Variants in GRM5 observed in about 807,000 individuals in gnomAD.
GRM5 encodes metabotropic glutamate receptor 5.
A neutral mutation model predicts 83.1 loss-of-function variants in GRM5; 19 were observed. That is an observed-to-expected ratio of 0.23 (90% confidence interval 0.16 to 0.34). GRM5 has a LOEUF of 0.34. GRM5 is among the 10% of genes least tolerant of loss of function. The pLI, the probability that GRM5 is intolerant of heterozygous loss-of-function variation, is 1.00. For synonymous variants in GRM5, 675 were observed against 633.6 expected (o/e 1.07, Z -0.98); for missense variants, 1,160 against 1,588.3 (o/e 0.73, Z 4.58).
At position 88,525,286 on chromosome 11, in the gene GRM5, CAGGCCACTCAT is replaced by C; in HGVS notation, c.2726+12_2726+22del. ...TGCATACATTTATTTCACACCACCT[CAGGCCACTCAT>C]AGTTTGCTTACCTGCTCATTGTTGC... is the stretch of plus-strand genomic sequence containing the variant. On this transcript the variant is annotated intron_variant, in intron 9 of 9. Coordinates refer to ENST00000305447, the MANE Select transcript of GRM5 (RefSeq NM_001143831.3). The C allele has an allele frequency of 2.9e-6, 4 of 1,366,180 alleles. No homozygotes were observed. In the South Asian group the frequency reaches 3.5e-5, roughly 12 times the overall value. The allele number at this position is 1,366,180 out of a possible 1,614,324, so 84.6% of individuals were successfully genotyped here.
Position 88,586,826 on chromosome 11 carries a change from T to A in GRM5, c.1690+3775A>T, listed in dbSNP as rs561536426. On this transcript the variant is annotated intron_variant, in intron 7 of 9. Coordinates refer to ENST00000305447, the MANE Select transcript of GRM5 (RefSeq NM_001143831.3). ...AGACCACCCACACACATACACACAC[T>A]CACATGTATGCACCTAGCCAGAGAC... 6.8e-4 allele frequency among the ~76,000 whole-genome samples: 103 copies of A among 152,188 alleles called. 1 individual carries two copies. The highest frequency in any genetic ancestry group is 3.4e-3 in the Middle Eastern group (1 of 294).
intron 6 of GRM5, among the ~76,000 whole-genome samples, chr11:88,592,035 T>A (rs1937650930): frequency 6.6e-6 from 1 of 152,164 alleles, no homozygotes; most frequent in Non-Finnish European, 1.5e-5. Flanking sequence ...AAACAATGTA[T>A]GTTGGACTTC....
At chr11:88,808,046 G>C (rs565005316) in intron 3 of GRM5, among the ~76,000 whole-genome samples, 2 of 151,528 alleles carry the variant, frequency 1.3e-5, no homozygotes, top group African/African-American at 2.4e-5. Flanking sequence ...ATCTATAATA[G>C]GGTGTTTACT....
At chr11:88,692,458 G>C (rs907134753) in intron 3 of GRM5, among the ~76,000 whole-genome samples, 4 of 152,132 alleles carry the variant, frequency 2.6e-5, no homozygotes, top group African/African-American at 9.7e-5. Context: ...AATGCTGAAT[G>C]AACAATTCCA....
At chr11:88,837,540 C>A (rs1262167639) in intron 3 of GRM5, among the ~76,000 whole-genome samples, 1 of 152,128 alleles carries the variant, frequency 6.6e-6, no homozygotes, top group Non-Finnish European at 1.5e-5. Context: ...AACAAATGTT[C>A]GCAGTGTAAT....
chr11:88,832,316 T>C (rs906897164), intron 3 of GRM5, among the ~76,000 whole-genome samples: 2 of 152,210 alleles, frequency 1.3e-5, no homozygotes, highest in Non-Finnish European at 2.9e-5. Context: ...GTAGTATTTC[T>C]ATACACCAAT....
intron 3 of GRM5, among the ~76,000 whole-genome samples, chr11:88,736,526 C>T (rs2135411891): frequency 6.6e-6 from 1 of 152,144 alleles, no homozygotes; most frequent in Non-Finnish European, 1.5e-5. Flanking sequence ...GCTATTTTCT[C>T]AACCAACAAA....
intron 3 of GRM5, among the ~76,000 whole-genome samples, chr11:88,822,600 G>A (rs986133733): frequency 6.6e-6 from 1 of 152,128 alleles, no homozygotes; most frequent in South Asian, 2.1e-4. Context: ...ATTCAGTTCA[G>A]CTGATAAAAG....
At position 88,567,726 on chromosome 11, in the gene GRM5, G is replaced by C; in HGVS notation, c.1957C>G (p.Leu653Val). The stretch of plus-strand genomic sequence containing the variant: ...GCTGAGTAGCTCATGGCTGGGGAGA[G>C]ACCAATGCCAATTCTCTGAAGGTAG... ...YCYLQRIGIG[L>V]SPAMSYSALV... Residue 653 changes from leucine (L) to valine (V), a missense_variant, in exon 8 of 10, where the codon CTC (leucine) becomes GTC (valine). By Grantham distance (32) the Leu-to-Val change is conservative. Around this residue, in one of 9 missense-constraint regions of GRM5, gnomAD observed 132 missense variants for 245.5 expected, o/e 0.54. Transcript: ENST00000305447. The surrounding 1 kb of genome is among the most constrained non-coding windows in gnomAD (Gnocchi z 7.3). The C allele has an allele frequency of 6.2e-7, 1 of 1,614,104 alleles. No homozygotes were observed. Among genetic ancestry groups the C allele is most frequent in the South Asian group, 1.1e-5 (1 of 91,066 alleles).
rs546829713 is a variant in GRM5 at position 88,629,768 on chromosome 11, A to C, written c.1147+23400T>G. Among the ~76,000 whole-genome samples the C allele has an allele frequency of 5.9e-5, 9 of 152,310 alleles. No homozygotes were observed. The South Asian group carries it at 1.9e-3, about 32-fold the overall frequency. ...TTCCAGTGATGTTTGATAATCAGAC[A>C]ATCTGCTTACAGCTCCATGGCAGTC... is the stretch of plus-strand genomic sequence containing the variant. On this transcript the variant is annotated intron_variant, in intron 4 of 9. Transcript: ENST00000305447.
At chr11:88,510,322 TTC>T (rs980793667) in intron 9 of GRM5, among the ~76,000 whole-genome samples, 8 of 152,156 alleles carry the variant, frequency 5.3e-5, no homozygotes, top group African/African-American at 1.7e-4. Flanking sequence ...TTGAAGGCCT[TTC>T]TCTCTCTTTC....
intron 2 of GRM5, among the ~76,000 whole-genome samples, chr11:88,989,977 C>T (rs1361253741): frequency 6.6e-6 from 1 of 151,636 alleles, no homozygotes; most frequent in Non-Finnish European, 1.5e-5. Context: ...CAAACACATT[C>T]AAAAGCTAGC....
chr11:88,853,441 T>C (rs1944421130), intron 2 of GRM5, among the ~76,000 whole-genome samples: 1 of 151,964 alleles, frequency 6.6e-6, no homozygotes, highest in Non-Finnish European at 1.5e-5. Flanking sequence ...AAATAAAATG[T>C]ATGTGATTAA....
At position 88,799,214 on chromosome 11, in the gene GRM5, T is replaced by C. The variant is rs571023735; in HGVS notation, c.911+50692A>G. ...TGAGAATTTTCATTGAATTGCTGCT[T>C]ATAATTATGAAAATTAGATTTGCAT... On this transcript the variant is annotated intron_variant, in intron 3 of 9. Coordinates refer to ENST00000305447, the MANE Select transcript of GRM5 (RefSeq NM_001143831.3). 2.6e-5 allele frequency among the ~76,000 whole-genome samples: 4 copies of C among 152,240 alleles called. No individual in the cohort carries two copies. The South Asian group carries it at 8.3e-4, about 32-fold the overall frequency.
chr11:89,043,237 C>A (rs1220119840), intron 2 of GRM5, among the ~76,000 whole-genome samples: 1 of 152,130 alleles, frequency 6.6e-6, no homozygotes, highest in Non-Finnish European at 1.5e-5. Flanking sequence ...CTCTAATAGG[C>A]CCTGTGGATA....
intron 4 of GRM5, among the ~76,000 whole-genome samples, chr11:88,644,503 A>C (rs1939386282): frequency 6.6e-6 from 1 of 152,202 alleles, no homozygotes; most frequent in South Asian, 2.1e-4. Context: ...TGCTGGTCTA[A>C]CAATTTGAAA....
chr11:88,648,751 C>G (rs947770032), intron 4 of GRM5, among the ~76,000 whole-genome samples: 7 of 151,672 alleles, frequency 4.6e-5, no homozygotes, highest in African/African-American at 7.3e-5. Flanking sequence ...ACTCCTCACA[C>G]TTTAGTTGGC....
chr11:88,798,820 A>ACC (rs1555017416), intron 3 of GRM5, among the ~76,000 whole-genome samples: 26 of 136,304 alleles, frequency 1.9e-4, no homozygotes, highest in African/African-American at 7.2e-4. Flanking sequence ...AAAAAAAAAA[A>ACC]AAAAAAACAA....
At chr11:88,793,225 A>G (rs1272225476) in intron 3 of GRM5, among the ~76,000 whole-genome samples, 1 of 152,144 alleles carries the variant, frequency 6.6e-6, no homozygotes, top group Admixed American at 6.6e-5. Flanking sequence ...ACTTAAACCT[A>G]AGGTAGGGAT....
Sources: gnomAD v4.1 joint callset for allele counts (sites outside exome capture counted in the v4.1 genomes callset) on GRCh38, gnomAD v4.1.1 for gene constraint, gnomAD v4.1.1 regional missense constraint, Gnocchi (gnomAD v3.1) non-coding constraint, MANE v1.5 for transcripts, NCBI Gene and HGNC (gene_info 2026-07-23, HGNC 2026-07-21) for gene names.